TTBK1: variants seen among roughly 807,000 people sequenced by gnomAD.
TTBK1 encodes tau tubulin kinase 1.
Under a neutral mutation model 108.5 loss-of-function variants are expected in TTBK1, and 34 were observed. The observed-to-expected ratio is 0.31, with a 90% confidence interval of 0.24 to 0.42. The LOEUF (loss-of-function observed/expected upper bound fraction) is 0.42, where lower values mean the gene tolerates loss of function less well. Ranked by LOEUF, TTBK1 falls within the 10% of genes least tolerant of loss-of-function variation. The pLI, the probability that TTBK1 is intolerant of heterozygous loss-of-function variation, is 1.00. For missense variants in TTBK1, 1,539 were observed against 1,826.0 expected, an observed-to-expected ratio of 0.84 and a Z score of 2.86; for synonymous variants, 809 against 795.1, an observed-to-expected ratio of 1.02 and a Z score of -0.29.
Position 43,266,894 on chromosome 6 carries a change from G to C in TTBK1, c.1986+3544G>C, listed in dbSNP as rs948741439. 3.3e-5 allele frequency among the ~76,000 whole-genome samples: 5 copies of C among 152,144 alleles called. No individual in the cohort carries two copies. In the East Asian group the frequency reaches 5.8e-4, roughly 18 times the overall value. On this transcript the variant is annotated intron_variant, in intron 13 of 14. Coordinates refer to ENST00000259750, the MANE Select transcript of TTBK1 (RefSeq NM_032538.3). ...GCCTCCCAAATTGCTGGGATTACAG[G>C]CGTGAGCCATCGCGCCCAGCCTGAG...
In TTBK1 at chr6:43,259,270, G is replaced by A. The variant is rs749011185; in HGVS notation, c.1248+1G>A. 3.2e-6 allele frequency: 5 copies of A among 1,546,676 alleles called. No homozygotes were observed. Among genetic ancestry groups the A allele is most frequent in the Non-Finnish European group, 4.4e-6 (5 of 1,146,998 alleles). ...CAAACTCCGGATCAACATCGGCAAA[G>A]TAACTGCCGCCAGGGCGAAGGGCGT... is the stretch of plus-strand genomic sequence containing the variant. On this transcript the variant is annotated splice_donor_variant, in intron 11 of 14. Transcript: ENST00000259750. LOFTEE classifies it high-confidence loss of function. The surrounding 1 kb of genome is among the most constrained non-coding windows in gnomAD (Gnocchi z 6.7).
Position 43,263,088 on chromosome 6 carries a change from G to A in TTBK1, c.1724G>A (p.Arg575Gln), listed in dbSNP as rs1298786556. The A allele has an allele frequency of 1.3e-5, 20 of 1,572,000 alleles. No homozygotes were observed. The highest frequency in any genetic ancestry group is 5.8e-5 in the South Asian group (5 of 86,146). ...GTTDEEPEELRPLPEEGEERR... is the reference protein window; with the variant it reads ...GTTDEEPEELQPLPEEGEERR... ...ACGGATGAGGAGCCCGAGGAGCTGC[G>A]GCCACTGCCCGAGGAGGGCGAAGAG... The change falls in exon 13 of 15, where the codon CGG becomes CAG. Residue 575 changes from arginine (R) to glutamine (Q), a missense_variant. Arg to Gln is a conservative substitution (Grantham distance 43). Around this residue, in one of 5 missense-constraint regions of TTBK1, gnomAD observed 1,055 missense variants for 1,086.5 expected, o/e 0.97. Coordinates refer to ENST00000259750, the MANE Select transcript of TTBK1 (RefSeq NM_032538.3). This position sits in a 1 kb window ranked among gnomAD's most constrained non-coding sequence, Gnocchi z 4.7.
rs753923757 is a variant in TTBK1, at chr6:43,284,117, G to A, written c.3377G>A (p.Gly1126Asp). ...EQRRASETLS[G>D]TGSEEDTPAS... ...CGCCGTGCCTCTGAGACCCTCTCAG[G>A]CACGGGCTCTGAGGAGGACACGCCC... Residue 1126 changes from glycine (G) to aspartate (D), a missense_variant, in exon 14 of 15, where the codon GGC (glycine) becomes GAC (aspartate). By Grantham distance (94) the Gly-to-Asp change is moderately conservative. Transcript: ENST00000259750. The A allele has an allele frequency of 6.5e-7, 1 of 1,539,756 alleles. No individual in the cohort carries two copies. Among genetic ancestry groups the A allele is most frequent in the Non-Finnish European group, 8.7e-7 (1 of 1,147,166 alleles).
In TTBK1 at chr6:43,282,954, G is replaced by A. The variant is rs1778216375; in HGVS notation, c.2214G>A (p.Glu738=). ...QANGKEEEEE[E]EEDEEEEEED... ...ATGGGAAGGAGGAAGAGGAGGAGGA[G>A]GAGGAAGATGAGGAAGAGGAAGAAG... Residue 738 remains glutamate, a synonymous_variant, in exon 14 of 15, where the codon GAG becomes GAA. Coordinates refer to ENST00000259750, the MANE Select transcript of TTBK1 (RefSeq NM_032538.3). This position sits in a 1 kb window ranked among gnomAD's most constrained non-coding sequence, Gnocchi z 5.4. 1 of 1,608,254 alleles carries A rather than the reference G, an allele frequency of 6.2e-7. No individual in the cohort carries two copies. The highest frequency in any genetic ancestry group is 8.5e-7 in the Non-Finnish European group (1 of 1,175,982).
Position 43,257,137 on chromosome 6 carries a change from C to A in TTBK1, c.862-675C>A, listed in dbSNP as rs1185793357. On this transcript the variant is annotated intron_variant, in intron 9 of 14. Transcript: ENST00000259750. The surrounding 1 kb of genome is among the most constrained non-coding windows in gnomAD (Gnocchi z 4.5). ...GCCCTGTGCTCTGGAGACAGCCAAGCCAGAAGTGGAGTGTTCTGGGGACCT... is the reference window on the plus strand; with the variant it reads ...GCCCTGTGCTCTGGAGACAGCCAAGACAGAAGTGGAGTGTTCTGGGGACCT... Among the ~76,000 whole-genome samples, 1 of 152,228 alleles carries A rather than the reference C, an allele frequency of 6.6e-6. No individual in the cohort carries two copies. Among genetic ancestry groups the A allele is most frequent in the African/African-American group, 2.4e-5 (1 of 41,446 alleles).
rs771637185 is a variant in TTBK1, at chr6:43,263,377, C to T, written c.1986+27C>T. ...TAAGGTTGGGCTTGCACCCCACTCC[C>T]CATCTCCAGATGCCCAGAGTCCTGG... On this transcript the variant is annotated intron_variant, in intron 13 of 14. Transcript: ENST00000259750. The surrounding 1 kb of genome is among the most constrained non-coding windows in gnomAD (Gnocchi z 4.7). The T allele has an allele frequency of 2.1e-6, 3 of 1,447,070 alleles. No homozygotes were observed. The highest frequency in any genetic ancestry group is 2.7e-6 in the Non-Finnish European group (3 of 1,096,002). The allele number at this position is 1,447,070 out of a possible 1,614,324, so 89.6% of individuals were successfully genotyped here. A position where few individuals can be genotyped will look rare whatever the true frequency, so the allele number is the denominator to read the frequency against.
At position 43,259,292 on chromosome 6, in the gene TTBK1, G is replaced by A; in HGVS notation, c.1248+23G>A. The stretch of plus-strand genomic sequence containing the variant: ...AAAGTAACTGCCGCCAGGGCGAAGG[G>A]CGTGGGTGGCCTTTTCTCTCACCCC... On this transcript the variant is annotated intron_variant, in intron 11 of 14. Coordinates refer to ENST00000259750, the MANE Select transcript of TTBK1 (RefSeq NM_032538.3). This position sits in a 1 kb window ranked among gnomAD's most constrained non-coding sequence, Gnocchi z 6.7. 1.3e-6 allele frequency: 2 copies of A among 1,526,322 alleles called. No homozygotes were observed. Among genetic ancestry groups the A allele is most frequent in the Non-Finnish European group, 1.8e-6 (2 of 1,133,954 alleles). 94.5% of individuals were successfully genotyped at this position (1,526,322 alleles called of 1,614,324 possible). A position where few individuals can be genotyped will look rare whatever the true frequency, so the allele number is the denominator to read the frequency against.
In TTBK1 at chr6:43,253,306, G is replaced by C; in HGVS notation, c.272G>C (p.Cys91Ser). The C allele has an allele frequency of 2.5e-6, 4 of 1,614,126 alleles. No homozygotes were observed. Among genetic ancestry groups the C allele is most frequent in the Non-Finnish European group, 3.4e-6 (4 of 1,180,020 alleles). The change falls in exon 4 of 15, where the codon TGC (cysteine) becomes TCC (serine). Residue 91 changes from cysteine (C) to serine (S), a missense_variant. This residue lies in a region of TTBK1 where 155 missense variants were observed against 348.5 expected (regional missense o/e 0.44). Transcript: ENST00000259750. This position sits in a 1 kb window ranked among gnomAD's most constrained non-coding sequence, Gnocchi z 5.8. Reference sequence around the variant, plus strand: ...TGCCCCTCAGGGAAGGACCATGTGTGCAGGTTCATTGGCTGTGGCAGGAAC... The same window carrying C: ...TGCCCCTCAGGGAAGGACCATGTGTCCAGGTTCATTGGCTGTGGCAGGAAC... ...LKKLQGKDHV[C>S]RFIGCGRNEK...
chr6:43,248,589 A>T (rs1012495005), intron 2 of TTBK1, among the ~76,000 whole-genome samples: 2 of 152,118 alleles, frequency 1.3e-5, no homozygotes, highest in African/African-American at 2.4e-5. Flanking sequence ...CGGGTGTGGC[A>T]GTGGGCGCCT....
At chr6:43,260,910 C>T (rs770937496) in intron 12 of TTBK1, among the ~76,000 whole-genome samples, 3 of 152,058 alleles carry the variant, frequency 2.0e-5, no homozygotes, top group Non-Finnish European at 4.4e-5. Context: ...CTCCAACCCT[C>T]CGTCTGAGCT....
chr6:43,259,138 A>G lies in TTBK1; in HGVS notation c.1117A>G (p.Ile373Val), dbSNP rs375914525. The G allele has an allele frequency of 4.3e-6, 7 of 1,613,860 alleles. No homozygotes were observed. The highest frequency in any genetic ancestry group is 2.7e-5 in the African/African-American group (2 of 74,910). The stretch of plus-strand genomic sequence containing the variant: ...GAGTGACCAGGAGAATGCACCCCCA[A>G]TTCTGCCCGGGAGGCCCTCTGAGGG... ...HLSDQENAPP[I>V]LPGRPSEGLG... is the part of the protein sequence containing the mutation. The change falls in exon 11 of 15, where the codon ATT (isoleucine) becomes GTT (valine). Residue 373 changes from isoleucine to valine, a missense_variant. Coordinates refer to ENST00000259750, the MANE Select transcript of TTBK1 (RefSeq NM_032538.3). This position sits in a 1 kb window ranked among gnomAD's most constrained non-coding sequence, Gnocchi z 6.7.
chr6:43,251,159 T>C (rs1402126407), intron 2 of TTBK1, among the ~76,000 whole-genome samples: 2 of 152,234 alleles, frequency 1.3e-5, no homozygotes, highest in Non-Finnish European at 2.9e-5. Context: ...AGTTCAATGG[T>C]AACCTGGGAA....
intron 12 of TTBK1, among the ~76,000 whole-genome samples, chr6:43,261,818 AAAAAAAAAAAAGAT>A (rs997487398): frequency 6.6e-6 from 1 of 151,630 alleles, no homozygotes; most frequent in Non-Finnish European, 1.5e-5. Flanking sequence ...CAAAAAAAAA[AAAAAAAAAAAAGAT>A]AACGACAGAA....
chr6:43,284,050 C>A lies in TTBK1; in HGVS notation c.3310C>A (p.Arg1104=). ...GAAGAGGCAGGGCCGCCTGCTGTTG[C>A]GGCTGGCCTCAGGGGCCTCGTCCTC... The part of the protein sequence containing the change: ...MEKRQGRLLL[R]LASGASSSSS... Residue 1104 remains arginine, a synonymous_variant, in exon 14 of 15, where the codon CGG becomes AGG. Coordinates refer to ENST00000259750, the MANE Select transcript of TTBK1 (RefSeq NM_032538.3). 1.3e-6 allele frequency: 2 copies of A among 1,544,730 alleles called. No homozygotes were observed. The highest frequency in any genetic ancestry group is 1.8e-4 in the Middle Eastern group (1 of 5,518).
chr6:43,266,547 G>A (rs112637966), intron 13 of TTBK1, among the ~76,000 whole-genome samples: 20 of 152,162 alleles, frequency 1.3e-4, no homozygotes, highest in Non-Finnish European at 2.2e-4. Context: ...TGTTAGCAAC[G>A]GGACTTGAAC....
At chr6:43,251,265 G>T (rs1777231630) in intron 2 of TTBK1, among the ~76,000 whole-genome samples, 1 of 152,178 alleles carries the variant, frequency 6.6e-6, no homozygotes, top group African/African-American at 2.4e-5. Context: ...CTGAACAGAC[G>T]TTCGGGGCGG....
rs1167570882 is a variant in TTBK1 at position 43,243,738 on chromosome 6, G to C, written c.-55+30G>C. 1.3e-5 allele frequency: 2 copies of C among 151,234 alleles called. No individual in the cohort carries two copies. The highest frequency in any genetic ancestry group is 3.0e-5 in the Non-Finnish European group (2 of 67,234). The allele number at this position is 151,234 out of a possible 1,614,324, so 9.4% of individuals were successfully genotyped here. ...GGCGGGGCGGGGCGGGCCGGGGTCG[G>C]GGCGGGGGCTCCTTCGTGGGCTCAG... On this transcript the variant is annotated intron_variant, in intron 1 of 14. Coordinates refer to ENST00000259750, the MANE Select transcript of TTBK1 (RefSeq NM_032538.3). The surrounding 1 kb of genome is among the most constrained non-coding windows in gnomAD (Gnocchi z 5.5).
chr6:43,269,573 GC>G lies in TTBK1; in HGVS notation c.1986+6227del. 1 of 1,467,156 alleles carries G rather than the reference GC, an allele frequency of 6.8e-7. No homozygotes were observed. The highest frequency in any genetic ancestry group is 9.0e-7 in the Non-Finnish European group (1 of 1,105,022). 90.9% of individuals were successfully genotyped at this position (1,467,156 alleles called of 1,614,324 possible). A position where few individuals can be genotyped will look rare whatever the true frequency, so the allele number is the denominator to read the frequency against. On this transcript the variant is annotated intron_variant, in intron 13 of 14. Coordinates refer to ENST00000259750, the MANE Select transcript of TTBK1 (RefSeq NM_032538.3). The surrounding 1 kb of genome is among the most constrained non-coding windows in gnomAD (Gnocchi z 4.8). ...CCGCAGGGGCTGTGAGCGGTGGGTG[GC>G]CCCGGAGACGGAGCTGTCGAGTCTG...
rs2150718336 is a variant in TTBK1 at position 43,285,019 on chromosome 6, T to C, written c.3609T>C (p.Ala1203=). The change falls in exon 15 of 15, where the codon GCT becomes GCC. Residue 1203 remains alanine (A), a synonymous_variant. Transcript: ENST00000259750. The surrounding 1 kb of genome is among the most constrained non-coding windows in gnomAD (Gnocchi z 4.7). ...AGACGCCCCCAGGGTCGGCCACTGC[T>C]GCTGACCTCCGCCCCAAACAACCTC... ...QLQTPPGSAT[A]ADLRPKQPPG... 2.6e-6 allele frequency: 4 copies of C among 1,517,318 alleles called. No individual in the cohort carries two copies. The South Asian group carries it at 4.8e-5, about 18-fold the overall frequency. 94.0% of individuals were successfully genotyped at this position (1,517,318 alleles called of 1,614,324 possible).
Sources: gnomAD v4.1 joint callset for allele counts (sites outside exome capture counted in the v4.1 genomes callset) on GRCh38, gnomAD v4.1.1 for gene constraint, gnomAD v4.1.1 regional missense constraint, Gnocchi (gnomAD v3.1) non-coding constraint, MANE v1.5 for transcripts, NCBI Gene and HGNC (gene_info 2026-07-23, HGNC 2026-07-21) for gene names.